Variants in SLC6A18 observed in about 807,000 individuals in gnomAD.
SLC6A18 encodes the protein solute carrier family 6 member 18, also known as inactive sodium-dependent neutral amino acid transporter B(0)AT3.
SLC6A18 carries 58 observed loss-of-function variants against 62.9 expected under a neutral mutation model. That is an observed-to-expected ratio of 0.92 (90% CI 0.75 to 1.15). The LOEUF (loss-of-function observed/expected upper bound fraction) is 1.15, where lower values mean the gene tolerates loss of function less well. Among genes scored for constraint, SLC6A18 ranks in the 50% most tolerant of loss-of-function variants. SLC6A18 has a pLI of 0.00. For missense variants in SLC6A18, 793 were observed against 836.6 expected, an observed-to-expected ratio of 0.95 and a Z score of 0.64; for synonymous variants, 382 against 365.8, an observed-to-expected ratio of 1.04 and a Z score of -0.51.
At chr5:1,239,669 C>A (rs1301986642) in intron 6 of SLC6A18, 107 bp downstream of exon 6, 1 of 868,404 alleles carries the variant, frequency 1.2e-6, no homozygotes, top group Non-Finnish European at 1.9e-6. Context: ...CTTGTGTGAA[C>A]CTGAGATAAG....
intron 1 of SLC6A18, among the ~76,000 whole-genome samples, chr5:1,227,046 T>G (rs1746598278): frequency 7.6e-6 from 1 of 132,270 alleles, no homozygotes; most frequent in Non-Finnish European, 1.5e-5. Flanking sequence ...CGCCGACGCC[T>G]TGCCCGCCGA....
intron 11 of SLC6A18, 71 bp from the exon 12 acceptor site, chr5:1,245,777 T>A: frequency 6.8e-7 from 1 of 1,465,668 alleles, no homozygotes. Flanking sequence ...GCCCCTTGGA[T>A]TGAGGAGCAC....
At chr5:1,230,785 G>C (rs1746712295) in intron 1 of SLC6A18, among the ~76,000 whole-genome samples, 1 of 152,174 alleles carries the variant, frequency 6.6e-6, no homozygotes, top group South Asian at 2.1e-4. Context: ...AGCGTCTTAG[G>C]GCAGAAGGCC....
At chr5:1,232,499 C>T in intron 2 of SLC6A18, 140 bp downstream of exon 2, 1 of 1,237,446 alleles carries the variant, frequency 8.1e-7, no homozygotes, top group Non-Finnish European at 1.1e-6. Context: ...GCAGGGAGCC[C>T]TTGGGTGTGT....
chr5:1,226,736 T>C (rs920078567), intron 1 of SLC6A18, among the ~76,000 whole-genome samples: 3 of 152,140 alleles, frequency 2.0e-5, no homozygotes, highest in African/African-American at 7.2e-5. Context: ...TTTGAAGGCA[T>C]TTCTGAAAGC....
At chr5:1,240,090 G>C (rs556530847) in intron 6 of SLC6A18, among the ~76,000 whole-genome samples, 1 of 152,212 alleles carries the variant, frequency 6.6e-6, no homozygotes, top group Non-Finnish European at 1.5e-5. Flanking sequence ...GCCCGCTGGC[G>C]GCCTTTAGGG....
intron 1 of SLC6A18, among the ~76,000 whole-genome samples, chr5:1,228,517 G>A (rs1240837084): frequency 6.6e-6 from 1 of 152,168 alleles, no homozygotes; most frequent in Non-Finnish European, 1.5e-5. Context: ...TCTCAGCCTC[G>A]TGTGGTGGGG....
In SLC6A18 at chr5:1,238,041, T is replaced by C; in HGVS notation, c.713T>C (p.Ile238Thr). ...CTGCCAGGGGCAACAAAAGGACTCA[T>C]CTACTTGTTCACTCCCAACGTAAGT... ...LTLPGATKGL[I>T]YLFTPNMHIL... is the part of the protein sequence containing the mutation. The change falls in exon 5 of 12, where the codon ATC (isoleucine) becomes ACC (threonine). Residue 238 changes from isoleucine to threonine, a missense_variant. Coordinates refer to ENST00000324642, the MANE Select transcript of SLC6A18 (RefSeq NM_182632.3). The C allele has an allele frequency of 6.2e-7, 1 of 1,614,084 alleles. No individual in the cohort carries two copies. Among genetic ancestry groups the C allele is most frequent in the Non-Finnish European group, 8.5e-7 (1 of 1,179,918 alleles).
rs530777888 is a variant in SLC6A18, at chr5:1,230,065, G to A, written c.161-2154G>A. ...GCTGGAGGTGGGGGAGGGAAAAGGG[G>A]CTCTCACAGCACAGGCTGGAGGGGA... On this transcript the variant is annotated intron_variant, in intron 1 of 11. Coordinates refer to ENST00000324642, the MANE Select transcript of SLC6A18 (RefSeq NM_182632.3). 1.1e-3 allele frequency among the ~76,000 whole-genome samples: 166 copies of A among 150,982 alleles called. 1 individual carries two copies. The highest frequency in any genetic ancestry group is 3.9e-3 in the African/African-American group (159 of 41,022).
rs1747106333 is a variant in SLC6A18 at position 1,243,007 on chromosome 5, C to G, written c.1131+144C>G. 9.6e-7 allele frequency: 1 copy of G among 1,040,926 alleles called. No individual in the cohort carries two copies. The highest frequency in any genetic ancestry group is 1.9e-5 in the South Asian group (1 of 52,370). 64.5% of individuals were successfully genotyped at this position (1,040,926 alleles called of 1,614,324 possible). On this transcript the variant is annotated intron_variant, in intron 8 of 11. Transcript: ENST00000324642. The surrounding 1 kb of genome is among the most constrained non-coding windows in gnomAD (Gnocchi z 6.5). ...CTGTGAACCAAGAACCCCAGTCTAT[C>G]TTTGTCTCAGGTTGCCAGGCCTCCT...
intron 5 of SLC6A18, among the ~76,000 whole-genome samples, chr5:1,239,051 A>G (rs931215666): frequency 2.0e-5 from 3 of 152,202 alleles, no homozygotes; most frequent in Non-Finnish European, 4.4e-5. Context: ...CAGGCCCCAG[A>G]AGCAGAAAAG....
At position 1,243,436 on chromosome 5, in the gene SLC6A18, G is replaced by A; in HGVS notation, c.1132-119G>A. On this transcript the variant is annotated intron_variant, in intron 8 of 11. Coordinates refer to ENST00000324642, the MANE Select transcript of SLC6A18 (RefSeq NM_182632.3). The surrounding 1 kb of genome is among the most constrained non-coding windows in gnomAD (Gnocchi z 6.5). ...CTGAGCCACCTCAGCCCGACACCAG[G>A]AGGGGTGATGTGCACTCGTGTCCTC... The A allele has an allele frequency of 1.7e-6, 2 of 1,170,252 alleles. No homozygotes were observed. The highest frequency in any genetic ancestry group is 2.8e-5 in the South Asian group (2 of 71,164). 72.5% of individuals were successfully genotyped at this position (1,170,252 alleles called of 1,614,324 possible).
intron 3 of SLC6A18, among the ~76,000 whole-genome samples, chr5:1,235,022 G>C (rs561448300): frequency 6.6e-6 from 1 of 152,200 alleles, no homozygotes; most frequent in Admixed American, 6.5e-5. Flanking sequence ...CTGTGGCCCC[G>C]TCAAGGAGGA....
rs1280780205 is a variant in SLC6A18 at position 1,233,879 on chromosome 5, C to T, written c.439+991C>T. ...GCCTCAGCCTCCCAAATAGCTAGGA[C>T]TACAGGCGCCTGCCACCAGGCCTGG... On this transcript the variant is annotated intron_variant, in intron 3 of 11. Coordinates refer to ENST00000324642, the MANE Select transcript of SLC6A18 (RefSeq NM_182632.3). 5.9e-5 allele frequency among the ~76,000 whole-genome samples: 9 copies of T among 151,992 alleles called. No homozygotes were observed. The South Asian group carries it at 1.5e-3, about 25-fold the overall frequency.
rs768897571 is a variant in SLC6A18 at position 1,244,402 on chromosome 5, C to T, written c.1496+29C>T. Reference sequence around the variant, plus strand: ...AGCTGCCGCCCCGCCGAGTGCTCCTCTGGGACCCACCAGGGTGGGACAGGG... The same window carrying T: ...AGCTGCCGCCCCGCCGAGTGCTCCTTTGGGACCCACCAGGGTGGGACAGGG... On this transcript the variant is annotated intron_variant, in intron 10 of 11. Transcript: ENST00000324642. The T allele has an allele frequency of 3.1e-6, 5 of 1,612,642 alleles. No homozygotes were observed. In the South Asian group the frequency reaches 3.3e-5, roughly 11 times the overall value.
intron 11 of SLC6A18, among the ~76,000 whole-genome samples, 187 bp from the exon 12 acceptor site, chr5:1,245,661 A>C (rs903406804): frequency 2.6e-5 from 4 of 152,182 alleles, no homozygotes; most frequent in Non-Finnish European, 4.4e-5. Flanking sequence ...CCAGGTCCCC[A>C]AACTCCTGGC....
At chr5:1,226,910 C>T (rs767388791) in intron 1 of SLC6A18, among the ~76,000 whole-genome samples, 18 of 152,276 alleles carry the variant, frequency 1.2e-4, no homozygotes, top group Non-Finnish European at 2.2e-4. Context: ...ACGCCTTGTT[C>T]GCCAATGCCT....
chr5:1,229,942 G>A (rs1272962396), intron 1 of SLC6A18, among the ~76,000 whole-genome samples: 1 of 126,180 alleles, frequency 7.9e-6, no homozygotes, highest in African/African-American at 3.2e-5. Flanking sequence ...GGCTGGAGGG[G>A]AGGGAAGAAG....
chr5:1,237,581 A>G (rs1463954152), intron 4 of SLC6A18, among the ~76,000 whole-genome samples: 1 of 152,114 alleles, frequency 6.6e-6, no homozygotes, highest in African/African-American at 2.4e-5. Flanking sequence ...ACCAGGAGAG[A>G]GGCAAGTGGA....
Sources: gnomAD v4.1 joint callset for allele counts (sites outside exome capture counted in the v4.1 genomes callset) on GRCh38, gnomAD v4.1.1 for gene constraint, Gnocchi (gnomAD v3.1) non-coding constraint, MANE v1.5 for transcripts, NCBI Gene and HGNC (gene_info 2026-07-23, HGNC 2026-07-21) for gene names.